Variants in NAALADL2 observed in about 807,000 individuals in gnomAD.
The protein encoded by NAALADL2 is inactive N-acetylated-alpha-linked acidic dipeptidase-like protein 2.
In NAALADL2, 76 loss-of-function variants were observed where a neutral mutation model predicts 87.2. That is an observed-to-expected ratio of 0.87 (90% CI 0.72 to 1.05). The LOEUF (loss-of-function observed/expected upper bound fraction) is 1.05. Ranked by LOEUF, NAALADL2 falls within the 50% of genes least tolerant of loss-of-function variation. NAALADL2 has a pLI of 0.00. For missense variants in NAALADL2, 1,089 were observed against 945.8 expected (o/e 1.15, Z -1.99); for synonymous variants, 354 against 331.0 (o/e 1.07, Z -0.75).
At chr3:174,702,679 T>C (rs1302322215) in intron 2 of NAALADL2, among the ~76,000 whole-genome samples, 2 of 152,206 alleles carry the variant, frequency 1.3e-5, no homozygotes, top group Non-Finnish European at 2.9e-5. Flanking sequence ...TATACTGTAC[T>C]CAATACAGTA....
chr3:175,378,452 A>C (rs1420233059), intron 5 of NAALADL2, among the ~76,000 whole-genome samples: 1 of 152,238 alleles, frequency 6.6e-6, no homozygotes, highest in Non-Finnish European at 1.5e-5. Flanking sequence ...TGGTTCATTT[A>C]GTCGTGAACC....
intron 2 of NAALADL2, among the ~76,000 whole-genome samples, chr3:175,123,520 A>C (rs1311993151): frequency 6.6e-6 from 1 of 151,962 alleles, no homozygotes; most frequent in East Asian, 1.9e-4. Flanking sequence ...CAAATTCTTA[A>C]TTATGGCTTC....
intron 2 of NAALADL2, among the ~76,000 whole-genome samples, chr3:175,206,910 A>G (rs948886391): frequency 6.6e-6 from 1 of 152,044 alleles, no homozygotes; most frequent in African/African-American, 2.4e-5. Flanking sequence ...TAAAGATTGA[A>G]CTCATGATTA....
chr3:175,269,582 C>A lies in NAALADL2; in HGVS notation c.939+13052C>A, dbSNP rs569007392. On this transcript the variant is annotated intron_variant, in intron 4 of 13. Coordinates refer to ENST00000454872, the MANE Select transcript of NAALADL2 (RefSeq NM_207015.3). Reference sequence around the variant, plus strand: ...GAGCCACGACTTTGTCTGTATGACGCTAGTTTACTTTCAGATACACACTCT... The same window carrying A: ...GAGCCACGACTTTGTCTGTATGACGATAGTTTACTTTCAGATACACACTCT... Among the ~76,000 whole-genome samples, 851 of 152,310 alleles carry A rather than the reference C, an allele frequency of 5.6e-3. 10 individuals carry two copies. Among genetic ancestry groups the A allele is most frequent in the African/African-American group, 0.019 (810 of 41,578 alleles).
At chr3:174,515,164 G>A (rs1719865268) in intron 1 of NAALADL2, among the ~76,000 whole-genome samples, 1 of 152,122 alleles carries the variant, frequency 6.6e-6, no homozygotes, top group African/African-American at 2.4e-5. Context: ...AGGCATTCAG[G>A]TTGGGAGATG....
intron 3 of NAALADL2, among the ~76,000 whole-genome samples, chr3:175,253,480 A>T (rs1436188833): frequency 6.6e-6 from 1 of 152,202 alleles, no homozygotes; most frequent in Non-Finnish European, 1.5e-5. Flanking sequence ...AAGAGCTCCG[A>T]TGGTGATGTA....
At chr3:175,605,652 T>TTGTTTTTTTG (rs1345977027) in intron 10 of NAALADL2, among the ~76,000 whole-genome samples, 1 of 150,614 alleles carries the variant, frequency 6.6e-6, no homozygotes, top group African/African-American at 2.4e-5. Context: ...TTTTTTTTTT[T>TTGTTTTTTTG]TTTTAACTGT....
At chr3:175,222,490 G>C (rs2109361098) in intron 2 of NAALADL2, among the ~76,000 whole-genome samples, 1 of 152,238 alleles carries the variant, frequency 6.6e-6, no homozygotes, top group Non-Finnish European at 1.5e-5. Flanking sequence ...CTATTTTTCA[G>C]ACTTGATCCT....
intron 1 of NAALADL2, among the ~76,000 whole-genome samples, chr3:175,072,721 G>A (rs1293567270): frequency 1.4e-5 from 2 of 147,404 alleles, no homozygotes; most frequent in East Asian, 4.3e-4. Context: ...ATAGCATTAG[G>A]AGATATACCT....
intron 1 of NAALADL2, among the ~76,000 whole-genome samples, chr3:175,071,357 T>A (rs1238942040): frequency 2.0e-5 from 3 of 152,148 alleles, no homozygotes; most frequent in African/African-American, 7.2e-5. Flanking sequence ...AACCTTATCA[T>A]TGGATTTTCA....
At position 175,467,125 on chromosome 3, in the gene NAALADL2, G is replaced by A. The variant is rs1560599736; in HGVS notation, c.1474G>A (p.Val492Ile). The A allele has an allele frequency of 8.1e-6, 13 of 1,613,688 alleles. No homozygotes were observed. In the South Asian group the frequency reaches 1.3e-4, roughly 16 times the overall value. Residue 492 changes from valine (V) to isoleucine (I), a missense_variant, in exon 8 of 14, where the codon GTT (valine) becomes ATT (isoleucine). Val to Ile is a conservative substitution (Grantham distance 29). Transcript: ENST00000454872. ...AGGGTGGAGACCAGACCGAACTATTGTTTTCTGTTCTTGGGGAGGAACAGC... is the reference window on the plus strand; with the variant it reads ...AGGGTGGAGACCAGACCGAACTATTATTTTCTGTTCTTGGGGAGGAACAGC... ...KRGWRPDRTI[V>I]FCSWGGTAFG...
intron 3 of NAALADL2, among the ~76,000 whole-genome samples, chr3:174,824,697 C>T (rs992193664): frequency 1.3e-5 from 2 of 152,142 alleles, no homozygotes; most frequent in African/African-American, 4.8e-5. Context: ...AAGTGAACCA[C>T]CTAGCGATTA....
At chr3:174,556,549 G>A (rs985254725) in intron 2 of NAALADL2, among the ~76,000 whole-genome samples, 3 of 151,596 alleles carry the variant, frequency 2.0e-5, no homozygotes, top group Admixed American at 6.6e-5. Context: ...AATAAACAAC[G>A]TTGGAAAATA....
At chr3:175,317,634 G>T (rs926549566) in intron 4 of NAALADL2, among the ~76,000 whole-genome samples, 3 of 151,976 alleles carry the variant, frequency 2.0e-5, no homozygotes, top group African/African-American at 7.2e-5. Context: ...GTTATAGATG[G>T]ATAAGTGGCC....
intron 4 of NAALADL2, among the ~76,000 whole-genome samples, chr3:175,302,611 A>G (rs1209524337): frequency 6.6e-6 from 1 of 152,196 alleles, no homozygotes; most frequent in African/African-American, 2.4e-5. Flanking sequence ...ATGCTGTATT[A>G]CTAAAAATAC....
intron 1 of NAALADL2, among the ~76,000 whole-genome samples, chr3:174,946,971 T>A (rs967850016): frequency 2.0e-5 from 3 of 152,184 alleles, no homozygotes; most frequent in Non-Finnish European, 4.4e-5. Flanking sequence ...ATCTGCTACT[T>A]GCTAACAAAA....
intron 9 of NAALADL2, among the ~76,000 whole-genome samples, chr3:175,515,891 A>C (rs1353716688): frequency 6.6e-6 from 1 of 152,228 alleles, no homozygotes; most frequent in Non-Finnish European, 1.5e-5. Context: ...GAGCAAGATG[A>C]AATGTGTTTG....
chr3:174,618,707 T>C (rs953354415), intron 2 of NAALADL2, among the ~76,000 whole-genome samples: 6 of 151,878 alleles, frequency 4.0e-5, no homozygotes, highest in African/African-American at 1.4e-4. Flanking sequence ...CAAATATAAG[T>C]TCAAAAGCAC....
intron 9 of NAALADL2, among the ~76,000 whole-genome samples, chr3:175,548,971 A>C (rs1455713298): frequency 6.6e-6 from 1 of 152,144 alleles, no homozygotes; most frequent in Middle Eastern, 3.4e-3. Flanking sequence ...CCAGACCAGA[A>C]AATGCCTGAA....
Sources: allele counts gnomAD v4.1 joint callset (sites outside exome capture counted in the v4.1 genomes callset), GRCh38; gene constraint gnomAD v4.1.1; transcripts MANE v1.5; gene names NCBI Gene and HGNC (gene_info 2026-07-23, HGNC 2026-07-21).